The following EPG5 variants were observed in gnomAD, a reference collection of about 807,000 sequenced individuals.
EPG5 encodes ectopic P granules protein 5 homolog.
A neutral mutation model predicts 302.7 loss-of-function variants in EPG5; 159 were observed. The observed-to-expected ratio is 0.53, with a 90% CI of 0.46 to 0.60. EPG5 has a LOEUF of 0.60. EPG5 is among the 20% of genes least tolerant of loss of function. The probability of loss-of-function intolerance (pLI) is 0.00; values close to 1 mark genes in which losing one functional copy is unlikely to be tolerated. For missense variants in EPG5, 2,896 were observed against 3,092.4 expected (o/e 0.94, Z 1.51); for synonymous variants, 1,158 against 1,136.8 (o/e 1.02, Z -0.37).
Position 45,887,879 on chromosome 18 carries a change from G to C in EPG5, c.4981C>G (p.Pro1661Ala). ...CCAACTTTCTGAATCCCAGGTGTAG[G>C]CTGCAACTTGTAGGCATTCACTAAG... ...TALVNAYKLQPTPGIQKVGIS... is the reference protein window; with the variant it reads ...TALVNAYKLQATPGIQKVGIS... Residue 1661 changes from proline (P) to alanine (A), a missense_variant, in exon 29 of 44, where the codon CCT becomes GCT. Transcript: ENST00000282041. 1 of 1,589,066 alleles carries C rather than the reference G, an allele frequency of 6.3e-7. No homozygotes were observed. The highest frequency in any genetic ancestry group is 8.6e-7 in the Non-Finnish European group (1 of 1,161,580).
intron 35 of EPG5, among the ~76,000 whole-genome samples, chr18:45,874,303 C>T (rs1306131056): frequency 1.3e-5 from 2 of 152,012 alleles, no homozygotes; most frequent in Non-Finnish European, 1.5e-5. Flanking sequence ...CTTAATTTTG[C>T]TGTAAACCTA....
At chr18:45,828,605 A>G in the EPG5 span, among the ~76,000 whole-genome samples, 221 of 152,252 alleles carry the variant, frequency 1.5e-3, no homozygotes, top group African/African-American at 3.2e-3. Flanking sequence ...CAAACAGTTC[A>G]TTTACTCTTC....
intron 3 of EPG5, 82 bp from the exon 4 acceptor site, chr18:45,951,320 C>T (rs1311120479): frequency 1.0e-6 from 1 of 999,794 alleles, no homozygotes; most frequent in Non-Finnish European, 1.3e-6. Flanking sequence ...AAACCAATAA[C>T]AACAAAAACC....
rs148521818 is a variant in EPG5 at position 45,898,848 on chromosome 18, C to T, written c.4809+556G>A. Among the ~76,000 whole-genome samples, 702 of 152,300 alleles carry T rather than the reference C, an allele frequency of 4.6e-3. 7 individuals are homozygous for T. The highest frequency in any genetic ancestry group is 0.016 in the African/African-American group (665 of 41,562). The stretch of plus-strand genomic sequence containing the variant: ...CCAAAGTCTTTTAATCAATTGAGAC[C>T]GGACGCGGTGGCTCACGCCTGTAAT... On this transcript the variant is annotated intron_variant, in intron 27 of 43. Transcript: ENST00000282041.
rs1457641138 is a variant in EPG5 at position 45,961,561 on chromosome 18, C to G, written c.63+5616G>C. ...TTCATGTCTTTACTTAAATGTCACC[C>G]TCAATAAGAACTAGCCAGGCTGGGC... On this transcript the variant is annotated intron_variant, in intron 1 of 43. Transcript: ENST00000282041. 2.0e-5 allele frequency among the ~76,000 whole-genome samples: 3 copies of G among 152,166 alleles called. No individual in the cohort carries two copies. In the East Asian group the frequency reaches 5.8e-4, roughly 29 times the overall value.
chr18:45,880,292 A>C, intron 31 of EPG5, 69 bp from the exon 32 acceptor site: 1 of 1,385,052 alleles, frequency 7.2e-7, no homozygotes, highest in East Asian at 2.5e-5. Context: ...TGTAACAAAG[A>C]ATATGAGCAC....
intron 16 of EPG5, among the ~76,000 whole-genome samples, chr18:45,920,561 G>A (rs1277504183): frequency 6.6e-6 from 1 of 152,230 alleles, no homozygotes; most frequent in Non-Finnish European, 1.5e-5. Flanking sequence ...GTCCACACAT[G>A]GCAGAAGGCC....
the EPG5 span, chr18:45,838,745 T>C: frequency 6.3e-7 from 1 of 1,583,582 alleles, no homozygotes; most frequent in Non-Finnish European, 8.5e-7. Context: ...AACATCTCGG[T>C]GCTGCCCAGT....
chr18:45,820,299 G>T, the EPG5 span, among the ~76,000 whole-genome samples: 1 of 152,162 alleles, frequency 6.6e-6, no homozygotes, highest in African/African-American at 2.4e-5. Flanking sequence ...TGTGATATAA[G>T]CTGGTGTTAC....
At chr18:45,924,088 C>A (rs1188996450) in intron 14 of EPG5, among the ~76,000 whole-genome samples, 1 of 151,636 alleles carries the variant, frequency 6.6e-6, no homozygotes, top group Admixed American at 6.6e-5. Context: ...TTTTCCTGTT[C>A]TATCATTAGT....
In EPG5 at chr18:45,933,393, T is replaced by A. The variant is rs566564096; in HGVS notation, c.2257+1416A>T. 7.2e-5 allele frequency among the ~76,000 whole-genome samples: 11 copies of A among 152,038 alleles called. No homozygotes were observed. In the South Asian group the frequency reaches 1.9e-3, roughly 26 times the overall value. On this transcript the variant is annotated intron_variant, in intron 11 of 43. Coordinates refer to ENST00000282041, the MANE Select transcript of EPG5 (RefSeq NM_020964.3). ...ATAAAGACATCAAGAGAGACAGAAA[T>A]GGAGGCTGAGTACGGTGGCTCACGC...
At chr18:45,903,330 C>T (rs902492909) in intron 25 of EPG5, among the ~76,000 whole-genome samples, 26 of 152,092 alleles carry the variant, frequency 1.7e-4, no homozygotes, top group African/African-American at 5.8e-4. Context: ...TTAGAAGAAA[C>T]CAGCCAGCAC....
At chr18:45,872,615 A>T (rs2145329816) in intron 35 of EPG5, among the ~76,000 whole-genome samples, 1 of 152,180 alleles carries the variant, frequency 6.6e-6, no homozygotes, top group South Asian at 2.1e-4. Flanking sequence ...GAGGTGGGAG[A>T]ACTGCTTGAA....
At chr18:45,905,797 A>G (rs757097221) in intron 24 of EPG5, among the ~76,000 whole-genome samples, 2 of 152,256 alleles carry the variant, frequency 1.3e-5, no homozygotes, top group Non-Finnish European at 2.9e-5. Flanking sequence ...TAAATCTCAG[A>G]GAACCAAGAA....
the EPG5 span, chr18:45,825,924 T>A: frequency 1.1e-6 from 1 of 936,114 alleles, no homozygotes; most frequent in African/African-American, 1.6e-5. Flanking sequence ...GCTTGGGGCC[T>A]GTGGTGCCAG....
Position 45,939,637 on chromosome 18 carries a change from A to T in EPG5, c.2062T>A (p.Phe688Ile). Reference protein sequence around the residue: ...EKLQVEFDELFLRAVLHVLKA... With the variant: ...EKLQVEFDELILRAVLHVLKA... ...AGCACATGTAGGACAGCCCTCAAAA[A>T]CAGTTCATCAAATTCAACCTGTAGT... The change falls in exon 10 of 44, where the codon TTT becomes ATT. Residue 688 changes from phenylalanine to isoleucine, a missense_variant. Coordinates refer to ENST00000282041, the MANE Select transcript of EPG5 (RefSeq NM_020964.3). 1.9e-6 allele frequency: 3 copies of T among 1,614,148 alleles called. No individual in the cohort carries two copies. The highest frequency in any genetic ancestry group is 2.5e-6 in the Non-Finnish European group (3 of 1,180,028).
chr18:45,912,241 G>A, intron 22 of EPG5, 49 bp downstream of exon 22: 1 of 1,487,582 alleles, frequency 6.7e-7, no homozygotes, highest in African/African-American at 1.4e-5. Context: ...TGAGAGCAGT[G>A]CAAAGGCAGA....
the EPG5 span, among the ~76,000 whole-genome samples, chr18:45,828,899 G>A: frequency 3.3e-5 from 5 of 152,256 alleles, no homozygotes; most frequent in Non-Finnish European, 7.3e-5. Flanking sequence ...GTCAGGACCG[G>A]AGGACATGGG....
chr18:45,938,688 C>T (rs2050592314), intron 10 of EPG5, among the ~76,000 whole-genome samples: 1 of 152,160 alleles, frequency 6.6e-6, no homozygotes, highest in Non-Finnish European at 1.5e-5. Flanking sequence ...TACCACAATT[C>T]ACCCTCATCA....
Sources: gnomAD v4.1 joint callset for allele counts (sites outside exome capture counted in the v4.1 genomes callset) on GRCh38, gnomAD v4.1.1 for gene constraint, MANE v1.5 for transcripts, NCBI Gene and HGNC (gene_info 2026-07-23, HGNC 2026-07-21) for gene names.